The following CCDC88C variants were observed in gnomAD, a reference collection of about 807,000 sequenced individuals.
CCDC88C encodes coiled-coil and HOOK domain protein 88C, also known as protein Daple.
A neutral mutation model predicts 198.8 loss-of-function variants in CCDC88C; 131 were observed. The ratio of observed to expected loss-of-function variants is 0.66; its 90% CI spans 0.57 to 0.76. The LOEUF is 0.76. Among genes scored for constraint, CCDC88C ranks in the 30% least tolerant of loss-of-function variants. The pLI is 0.00. For synonymous variants in CCDC88C, 1,166 were observed against 1,114.7 expected, an observed-to-expected ratio of 1.05 and a Z score of -0.92; for missense variants, 2,553 against 2,631.6, an observed-to-expected ratio of 0.97 and a Z score of 0.65.
intron 3 of CCDC88C, among the ~76,000 whole-genome samples, chr14:91,396,578 C>A (rs1885859866): frequency 6.6e-6 from 1 of 152,194 alleles, no homozygotes; most frequent in Non-Finnish European, 1.5e-5. Flanking sequence ...ACACCAAGCA[C>A]AGCTCACTCG....
intron 10 of CCDC88C, among the ~76,000 whole-genome samples, chr14:91,334,572 T>C (rs568111079): frequency 2.2e-4 from 33 of 152,232 alleles, no homozygotes; most frequent in Non-Finnish European, 4.1e-4. Context: ...TTCATGGTGC[T>C]GTCTGCTTTT....
At chr14:91,356,807 GT>G (rs1186178358) in intron 4 of CCDC88C, among the ~76,000 whole-genome samples, 1 of 152,120 alleles carries the variant, frequency 6.6e-6, no homozygotes, top group Non-Finnish European at 1.5e-5. Flanking sequence ...GTGTTGGGAG[GT>G]GCCTGATGGT....
intron 4 of CCDC88C, among the ~76,000 whole-genome samples, chr14:91,348,906 C>T (rs189619899): frequency 1.3e-5 from 2 of 152,306 alleles, no homozygotes; most frequent in African/African-American, 4.8e-5. Context: ...TGATCCCCAC[C>T]CCTACAGATT....
chr14:91,285,766 G>T (rs894240148), intron 25 of CCDC88C: 1 of 1,289,036 alleles, frequency 7.8e-7, no homozygotes, highest in Non-Finnish European at 1.0e-6. Context: ...AGAGAGCTGG[G>T]TGGGTCGTTG....
intron 25 of CCDC88C, among the ~76,000 whole-genome samples, chr14:91,286,723 C>G (rs892966168): frequency 1.3e-5 from 2 of 152,200 alleles, no homozygotes; most frequent in Non-Finnish European, 2.9e-5. Context: ...GGCTCTTGTT[C>G]GGCATCTTCA....
chr14:91,331,385 C>A (rs1304466146), intron 10 of CCDC88C, among the ~76,000 whole-genome samples: 2 of 152,142 alleles, frequency 1.3e-5, no homozygotes, highest in Non-Finnish European at 1.5e-5. Context: ...TTGCCTGGGG[C>A]CAGAGGAGGG....
At position 91,278,889 on chromosome 14, in the gene CCDC88C, CTTTTTTTTTTT is replaced by C. The variant is rs10671669; in HGVS notation, c.4768+338_4768+348del. Among the ~76,000 whole-genome samples, 50 of 54,508 alleles carry C rather than the reference CTTTTTTTTTTT, an allele frequency of 9.2e-4. 1 individual carries two copies. The highest frequency in any genetic ancestry group is 1.8e-3 in the East Asian group (3 of 1,686). 35.8% of individuals were successfully genotyped at this position (54,508 alleles called of 152,430 possible). On this transcript the variant is annotated intron_variant, in intron 28 of 29. Transcript: ENST00000389857. ...CCCCAGAGCCAAACCACCAAATACA[CTTTTTTTTTTT>C]TTTTTTTTTTTTTTTTCTGAGATAG... is the stretch of plus-strand genomic sequence containing the variant.
At chr14:91,373,291 G>C (rs776768119) in intron 3 of CCDC88C, among the ~76,000 whole-genome samples, 3 of 152,150 alleles carry the variant, frequency 2.0e-5, no homozygotes, top group Non-Finnish European at 4.4e-5. Flanking sequence ...AGCTGGCTTG[G>C]ACGCTATGCT....
At chr14:91,290,411 G>C (rs1399767986) in intron 24 of CCDC88C, among the ~76,000 whole-genome samples, 1 of 152,258 alleles carries the variant, frequency 6.6e-6, no homozygotes, top group East Asian at 1.9e-4. Context: ...GGCTGGGCCA[G>C]GACAATCCGA....
intron 10 of CCDC88C, among the ~76,000 whole-genome samples, chr14:91,333,385 G>A (rs1388181644): frequency 6.6e-5 from 10 of 152,210 alleles, no homozygotes; most frequent in Non-Finnish European, 1.5e-4. Flanking sequence ...TATGTCCAAA[G>A]AAAGGCAGGA....
chr14:91,289,925 C>T (rs1201902944), intron 24 of CCDC88C, among the ~76,000 whole-genome samples: 3 of 152,164 alleles, frequency 2.0e-5, no homozygotes, highest in Non-Finnish European at 4.4e-5. Flanking sequence ...TTTATATTAT[C>T]ACTCCAGTTT....
At chr14:91,397,618 T>C (rs1357462008) in intron 3 of CCDC88C, among the ~76,000 whole-genome samples, 1 of 152,230 alleles carries the variant, frequency 6.6e-6, no homozygotes. Context: ...CCTGCCGCTC[T>C]GGGGTGAGGG....
chr14:91,379,826 C>T (rs746478271), intron 3 of CCDC88C: 18 of 702,844 alleles, frequency 2.6e-5, no homozygotes, highest in Middle Eastern at 2.3e-4. Context: ...GAAGCCAATG[C>T]GAAAACTCAA....
chr14:91,277,937 G>A lies in CCDC88C; in HGVS notation c.5043C>T (p.Arg1681=), dbSNP rs1177132291. 1 of 1,512,410 alleles carries A rather than the reference G, an allele frequency of 6.6e-7. No individual in the cohort carries two copies. Among genetic ancestry groups the A allele is most frequent in the Admixed American group, 2.1e-5 (1 of 48,260 alleles). The allele number at this position is 1,512,410 out of a possible 1,614,324, so 93.7% of individuals were successfully genotyped here. ...TLEEFLEESN[R]SSPTHDTPSC... is the part of the protein sequence containing the mutation. ...GATCACTCACATGGGTGGGGGAGCT[G>A]CGGTTGCTCTCCTCCAGGAACTCCT... Residue 1681 remains arginine, a synonymous_variant, in exon 29 of 30, where the codon CGC becomes CGT. Transcript: ENST00000389857.
chr14:91,417,288 G>A (rs2140028690), intron 1 of CCDC88C: 1 of 677,352 alleles, frequency 1.5e-6, no homozygotes, highest in South Asian at 1.6e-5. Context: ...GTCCTTTTCG[G>A]GAGTGGCTAA....
Position 91,313,238 on chromosome 14 carries a change from C to T in CCDC88C, c.2578G>A (p.Ala860Thr). The T allele has an allele frequency of 1.2e-6, 2 of 1,614,010 alleles. No individual in the cohort carries two copies. Among genetic ancestry groups the T allele is most frequent in the Non-Finnish European group, 1.7e-6 (2 of 1,179,906 alleles). The change falls in exon 15 of 30, where the codon GCC (alanine) becomes ACC (threonine). Residue 860 changes from alanine to threonine, a missense_variant. By Grantham distance (58) the Ala-to-Thr change is moderately conservative (BLOSUM62 0). Around this residue, in one of 2 missense-constraint regions of CCDC88C, gnomAD observed 1,260 missense variants for 1,412.0 expected, o/e 0.89. Coordinates refer to ENST00000389857, the MANE Select transcript of CCDC88C (RefSeq NM_001080414.4). This position sits in a 1 kb window ranked among gnomAD's most constrained non-coding sequence, Gnocchi z 5.2. ...TCCTTCTCAACGGCGGACAGTTTGG[C>T]AGTGCTATCGTCCAAGACTGCATCC... ...LKDAVLDDSTAKLSAVEKESR... is the reference protein window; with the variant it reads ...LKDAVLDDSTTKLSAVEKESR...
intron 22 of CCDC88C, among the ~76,000 whole-genome samples, chr14:91,295,853 A>G (rs1183203698): frequency 6.6e-6 from 1 of 152,220 alleles, no homozygotes; most frequent in Non-Finnish European, 1.5e-5. Flanking sequence ...GAGGCCATTA[A>G]GTTAAAATGA....
At chr14:91,368,276 A>G (rs990781446) in intron 3 of CCDC88C, among the ~76,000 whole-genome samples, 9 of 152,230 alleles carry the variant, frequency 5.9e-5, no homozygotes, top group Non-Finnish European at 1.0e-4. Flanking sequence ...AAAATCTGAC[A>G]CCATATTCCT....
At chr14:91,295,099 C>T (rs1328227911) in intron 22 of CCDC88C, among the ~76,000 whole-genome samples, 1 of 152,198 alleles carries the variant, frequency 6.6e-6, no homozygotes, top group Non-Finnish European at 1.5e-5. Flanking sequence ...GAGGAGAACA[C>T]AGCAAAATGC....
Sources: allele counts gnomAD v4.1 joint callset (sites outside exome capture counted in the v4.1 genomes callset), GRCh38; gene constraint gnomAD v4.1.1; regional missense constraint gnomAD v4.1.1; non-coding constraint Gnocchi (gnomAD v3.1); transcripts MANE v1.5; gene names NCBI Gene and HGNC (gene_info 2026-07-23, HGNC 2026-07-21).